The following PLAG1 variants were observed in gnomAD, a reference collection of about 807,000 sequenced individuals.
PLAG1 encodes PLAG1 zinc finger.
A neutral mutation model predicts 35.5 loss-of-function variants in PLAG1; 7 were observed. The ratio of observed to expected loss-of-function variants is 0.20; its 90% CI spans 0.11 to 0.37. The LOEUF (loss-of-function observed/expected upper bound fraction) is 0.37, where lower values mean the gene tolerates loss of function less well. Ranked by LOEUF, PLAG1 falls within the 10% of genes least tolerant of loss-of-function variation. The pLI is 1.00. For missense variants in PLAG1, 454 were observed against 602.8 expected (o/e 0.75, Z 2.58); for synonymous variants, 229 against 225.4 (o/e 1.02, Z -0.14).
At chr8:56,173,589 T>A (rs115193333) in intron 2 of PLAG1, among the ~76,000 whole-genome samples, 3 of 146,670 alleles carry the variant, frequency 2.0e-5, no homozygotes, top group Admixed American at 6.8e-5. Flanking sequence ...CTTTTCTACT[T>A]AAAAAAAAAA....
chr8:56,161,555 C>T lies in PLAG1; in HGVS notation c.*4688G>A, dbSNP rs1276030621. The T allele has an allele frequency of 4.4e-6, 1 of 228,634 alleles. No homozygotes were observed. The highest frequency in any genetic ancestry group is 2.2e-5 in the African/African-American group (1 of 45,046). The allele number at this position is 228,634 out of a possible 1,614,324, so 14.2% of individuals were successfully genotyped here. On this transcript the variant is annotated 3_prime_UTR_variant, in exon 5 of 5. Coordinates refer to ENST00000316981, the MANE Select transcript of PLAG1 (RefSeq NM_002655.3). ...CCCACTTTCCATTCTGAGTTACAGT[C>T]ACCTTGTGGACAAAAGCTGGGTTTG...
intron 3 of PLAG1, 58 bp downstream of exon 3, chr8:56,171,029 ATCAG>A (rs1811508527): frequency 3.9e-6 from 1 of 259,402 alleles, no homozygotes. Context: ...TAATATGCAT[ATCAG>A]TCAAATACTT....
intron 1 of PLAG1, among the ~76,000 whole-genome samples, chr8:56,188,711 CCTTT>C (rs571047904): frequency 2.0e-5 from 3 of 152,290 alleles, no homozygotes; most frequent in East Asian, 1.9e-4. Context: ...TGATTTTTTA[CCTTT>C]CTTTAACTTC....
intron 1 of PLAG1, among the ~76,000 whole-genome samples, chr8:56,193,329 C>T (rs1474167819): frequency 6.6e-6 from 1 of 152,190 alleles, no homozygotes; most frequent in African/African-American, 2.4e-5. Flanking sequence ...GTTCTCTGTA[C>T]TTCTGTATAT....
chr8:56,205,364 C>T (rs1308943757), intron 1 of PLAG1, among the ~76,000 whole-genome samples: 2 of 151,592 alleles, frequency 1.3e-5, no homozygotes, highest in Non-Finnish European at 3.0e-5. Context: ...TTCTGAATAA[C>T]CATTACAAAT....
At chr8:56,203,487 T>C (rs1275180599) in intron 1 of PLAG1, among the ~76,000 whole-genome samples, 1 of 152,058 alleles carries the variant, frequency 6.6e-6, no homozygotes, top group Non-Finnish European at 1.5e-5. Context: ...ACTGAGCAAA[T>C]TACATTAAAA....
At chr8:56,173,230 T>G (rs1458558348) in intron 2 of PLAG1, among the ~76,000 whole-genome samples, 1 of 152,174 alleles carries the variant, frequency 6.6e-6, no homozygotes, top group Non-Finnish European at 1.5e-5. Flanking sequence ...CCATTCTATG[T>G]ATTTTACAGT....
intron 1 of PLAG1, among the ~76,000 whole-genome samples, chr8:56,200,279 T>C (rs573357656): frequency 6.6e-5 from 10 of 152,180 alleles, no homozygotes; most frequent in Admixed American, 5.2e-4. Context: ...ATTAAACCCA[T>C]GACGGAAGTT....
At chr8:56,192,641 A>G (rs1483205308) in intron 1 of PLAG1, among the ~76,000 whole-genome samples, 2 of 152,224 alleles carry the variant, frequency 1.3e-5, no homozygotes, top group Non-Finnish European at 2.9e-5. Context: ...CTAATTCTAC[A>G]CCATAACACT....
chr8:56,186,574 T>C (rs1174820308), intron 1 of PLAG1, among the ~76,000 whole-genome samples: 2 of 151,916 alleles, frequency 1.3e-5, no homozygotes, highest in Admixed American at 1.3e-4. Context: ...GGTTTTGCCA[T>C]GTTGCCCAGG....
At position 56,162,398 on chromosome 8, in the gene PLAG1, G is replaced by A. The variant is rs1193272915; in HGVS notation, c.*3845C>T. 4.5e-6 allele frequency: 1 copy of A among 223,158 alleles called. No individual in the cohort carries two copies. Among genetic ancestry groups the A allele is most frequent in the Non-Finnish European group, 9.0e-6 (1 of 111,504 alleles). 13.8% of individuals were successfully genotyped at this position (223,158 alleles called of 1,614,324 possible). A position where few individuals can be genotyped will look rare whatever the true frequency, so the allele number is the denominator to read the frequency against. ...AAACCATTGTAAAACCTTATGAAAA[G>A]ACACACACTGATTCTGTGCAATATA... On this transcript the variant is annotated 3_prime_UTR_variant, in exon 5 of 5. Coordinates refer to ENST00000316981, the MANE Select transcript of PLAG1 (RefSeq NM_002655.3).
rs377626027 is a variant in PLAG1, at chr8:56,203,448, A to G, written c.-322+7673T>C. Among the ~76,000 whole-genome samples the G allele has an allele frequency of 1.2e-4, 18 of 152,232 alleles. No individual in the cohort carries two copies. In the East Asian group the frequency reaches 1.9e-3, roughly 16 times the overall value. ...ATATATGCCAAATTATTGCTGAAAA[A>G]ATGTCTTACACCTTTTTCTTAAAAA... On this transcript the variant is annotated intron_variant, in intron 1 of 4. Transcript: ENST00000316981.
intron 1 of PLAG1, among the ~76,000 whole-genome samples, chr8:56,208,578 T>A (rs553689408): frequency 6.6e-6 from 1 of 152,176 alleles, no homozygotes; most frequent in Non-Finnish European, 1.5e-5. Flanking sequence ...AAACATTCTA[T>A]ATAAGAAGTC....
chr8:56,167,235 A>C lies in PLAG1; in HGVS notation c.511T>G (p.Ser171Ala). The change falls in exon 5 of 5, where the codon TCT becomes GCT. Residue 171 changes from serine (S) to alanine (A), a missense_variant. Transcript: ENST00000316981. The surrounding 1 kb of genome is among the most constrained non-coding windows in gnomAD (Gnocchi z 5.9). ...CCACCAGACGACTTGCCTGCATGAG[A>C]TTTAAGGTGCTCCAGAAGCACTCCC... ...STGVLLEHLKSHAGKSSGGVK... is the reference protein window; with the variant it reads ...STGVLLEHLKAHAGKSSGGVK... The C allele has an allele frequency of 6.2e-7, 1 of 1,614,012 alleles. No homozygotes were observed. Among genetic ancestry groups the C allele is most frequent in the Non-Finnish European group, 8.5e-7 (1 of 1,179,990 alleles).
chr8:56,175,578 G>A (rs915281155), intron 2 of PLAG1, among the ~76,000 whole-genome samples: 5 of 152,084 alleles, frequency 3.3e-5, no homozygotes, highest in African/African-American at 1.2e-4. Flanking sequence ...TGCCCTTTTT[G>A]AATTACTGCG....
intron 1 of PLAG1, among the ~76,000 whole-genome samples, chr8:56,210,233 T>C (rs1027540626): frequency 6.6e-6 from 1 of 152,190 alleles, no homozygotes; most frequent in African/African-American, 2.4e-5. Context: ...CTTTTACCTT[T>C]AGCGAGAAAA....
intron 1 of PLAG1, among the ~76,000 whole-genome samples, chr8:56,182,821 C>T (rs532733740): frequency 1.3e-5 from 2 of 152,214 alleles, no homozygotes; most frequent in African/African-American, 4.8e-5. Flanking sequence ...GAAAGTGGGG[C>T]ATTCTTGGAA....
rs1195037350 is a variant in PLAG1, at chr8:56,164,408, C to T, written c.*1835G>A. 4.6e-6 allele frequency: 1 copy of T among 216,520 alleles called. No individual in the cohort carries two copies. The highest frequency in any genetic ancestry group is 2.3e-5 in the African/African-American group (1 of 44,292). 13.4% of individuals were successfully genotyped at this position (216,520 alleles called of 1,614,324 possible). ...CATTTCTCCACAAATTATACTACTCCCAAATATTTTAAATAATGTATTATA... is the reference window on the plus strand; with the variant it reads ...CATTTCTCCACAAATTATACTACTCTCAAATATTTTAAATAATGTATTATA... On this transcript the variant is annotated 3_prime_UTR_variant, in exon 5 of 5. Coordinates refer to ENST00000316981, the MANE Select transcript of PLAG1 (RefSeq NM_002655.3).
intron 1 of PLAG1, among the ~76,000 whole-genome samples, chr8:56,184,735 G>C (rs1811972462): frequency 6.6e-6 from 1 of 152,152 alleles, no homozygotes; most frequent in Non-Finnish European, 1.5e-5. Flanking sequence ...TGGGCAACAT[G>C]GTGAAACCCC....
Sources: allele counts gnomAD v4.1 joint callset (sites outside exome capture counted in the v4.1 genomes callset), GRCh38; gene constraint gnomAD v4.1.1; non-coding constraint Gnocchi (gnomAD v3.1); transcripts MANE v1.5; gene names NCBI Gene and HGNC (gene_info 2026-07-23, HGNC 2026-07-21).